The following B3GAT2 variants were observed in gnomAD, a reference collection of about 807,000 sequenced individuals.
B3GAT2 encodes the protein galactosylgalactosylxylosylprotein 3-beta-glucuronosyltransferase 2.
B3GAT2 carries 26 observed loss-of-function variants against 27.8 expected under a neutral mutation model. The observed-to-expected ratio is 0.93, with a 90% CI of 0.68 to 1.30. The LOEUF (loss-of-function observed/expected upper bound fraction) is 1.30. B3GAT2 is among the 50% of genes most tolerant of loss of function. B3GAT2 has a pLI of 0.00. For synonymous variants in B3GAT2, 218 were observed against 195.1 expected (o/e 1.12, Z -0.98); for missense variants, 458 against 459.0 (o/e 1.00, Z 0.02).
At chr6:70,864,582 C>T (rs921541533) in intron 2 of B3GAT2, among the ~76,000 whole-genome samples, 2 of 152,150 alleles carry the variant, frequency 1.3e-5, no homozygotes, top group South Asian at 2.1e-4. Flanking sequence ...AGATGCCCCA[C>T]AATCAGCTAA....
intron 2 of B3GAT2, among the ~76,000 whole-genome samples, chr6:70,884,717 G>A (rs751001250): frequency 4.6e-5 from 7 of 152,232 alleles, no homozygotes; most frequent in Non-Finnish European, 8.8e-5. Context: ...CTAGGCAAAC[G>A]TGAGAAGAAA....
At chr6:70,949,606 G>T (rs1458277271) in intron 1 of B3GAT2, among the ~76,000 whole-genome samples, 6 of 147,720 alleles carry the variant, frequency 4.1e-5, no homozygotes, top group Non-Finnish European at 9.0e-5. Context: ...ACTGTTGGTG[G>T]GACTGTAAAC....
intron 2 of B3GAT2, among the ~76,000 whole-genome samples, chr6:70,868,124 C>A (rs1045469540): frequency 5.9e-5 from 9 of 152,030 alleles, no homozygotes; most frequent in African/African-American, 2.2e-4. Context: ...GAAATAAAAG[C>A]CTCTCAGCAA....
chr6:70,936,524 G>A (rs980110631), intron 1 of B3GAT2, among the ~76,000 whole-genome samples: 9 of 152,004 alleles, frequency 5.9e-5, no homozygotes, highest in Non-Finnish European at 1.2e-4. Context: ...CTCAGCAAAT[G>A]TAAAAGAACA....
chr6:70,869,296 G>A (rs933460095), intron 2 of B3GAT2, among the ~76,000 whole-genome samples: 1 of 152,116 alleles, frequency 6.6e-6, no homozygotes, highest in Non-Finnish European at 1.5e-5. Flanking sequence ...ACTATAAGGT[G>A]CATGTCGCTC....
rs1355597122 is a variant in B3GAT2 at position 70,943,826 on chromosome 6, T to C, written c.591+12013A>G. 3.3e-5 allele frequency among the ~76,000 whole-genome samples: 5 copies of C among 152,068 alleles called. No homozygotes were observed. In the East Asian group the frequency reaches 9.6e-4, roughly 29 times the overall value. ...GTAGGGGTAGGAATTGGGGAAATGTTTGGTCAAAGGATACAAAATTTCAGT... is the reference window on the plus strand; with the variant it reads ...GTAGGGGTAGGAATTGGGGAAATGTCTGGTCAAAGGATACAAAATTTCAGT... On this transcript the variant is annotated intron_variant, in intron 1 of 3. Coordinates refer to ENST00000230053, the MANE Select transcript of B3GAT2 (RefSeq NM_080742.3).
chr6:70,856,996 T>C lies in B3GAT2; in HGVS notation c.*4667A>G, dbSNP rs757968358. 1 of 1,613,898 alleles carries C rather than the reference T, an allele frequency of 6.2e-7. No individual in the cohort carries two copies. Among genetic ancestry groups the C allele is most frequent in the Non-Finnish European group, 8.5e-7 (1 of 1,179,834 alleles). ...CCAAAGACTCCATCTTATCTCTGTA[T>C]GGCACAGGAACCATTCAACAGCAAA... On this transcript the variant is annotated 3_prime_UTR_variant, in exon 4 of 4. Transcript: ENST00000230053.
Position 70,894,255 on chromosome 6 carries a change from C to T in B3GAT2, c.609G>A (p.Lys203=), listed in dbSNP as rs1276557110. ...ELFQEMRTTR[K]VSVWPVGLVG... ...CCAGGCCCACAGGCCAGACGGAGAC[C>T]TTGCGGGTGGTTCGCATCTATAAAA... is the stretch of plus-strand genomic sequence containing the variant. The change falls in exon 2 of 4, where the codon AAG becomes AAA. Residue 203 remains lysine (K), a synonymous_variant. Coordinates refer to ENST00000230053, the MANE Select transcript of B3GAT2 (RefSeq NM_080742.3). The T allele has an allele frequency of 1.9e-6, 3 of 1,593,652 alleles. No individual in the cohort carries two copies. Among genetic ancestry groups the T allele is most frequent in the African/African-American group, 1.4e-5 (1 of 73,936 alleles).
At chr6:70,914,112 T>A (rs561585649) in intron 1 of B3GAT2, among the ~76,000 whole-genome samples, 81 of 152,292 alleles carry the variant, frequency 5.3e-4, no homozygotes, top group African/African-American at 1.9e-3. Context: ...GAAGACAGCA[T>A]ACAATTGTGA....
rs1182931769 is a variant in B3GAT2 at position 70,861,559 on chromosome 6, G to A, written c.*104C>T. ...AGATGACAAGAAAGGCTGCTGTACTGAAGTAAAACAAACAATACCTGAATG... is the reference window on the plus strand; with the variant it reads ...AGATGACAAGAAAGGCTGCTGTACTAAAGTAAAACAAACAATACCTGAATG... On this transcript the variant is annotated 3_prime_UTR_variant, in exon 4 of 4. Transcript: ENST00000230053. 9 of 1,023,704 alleles carry A rather than the reference G, an allele frequency of 8.8e-6. No individual in the cohort carries two copies. The highest frequency in any genetic ancestry group is 1.3e-5 in the Non-Finnish European group (9 of 679,128). The allele number at this position is 1,023,704 out of a possible 1,614,324, so 63.4% of individuals were successfully genotyped here. A position where few individuals can be genotyped will look rare whatever the true frequency, so the allele number is the denominator to read the frequency against.
chr6:70,951,458 G>T (rs1406450886), intron 1 of B3GAT2, among the ~76,000 whole-genome samples: 1 of 152,118 alleles, frequency 6.6e-6, no homozygotes, highest in East Asian at 1.9e-4. Context: ...AACATTCATT[G>T]CACCAAGCAA....
chr6:70,955,953 C>A lies in B3GAT2; in HGVS notation c.477G>T (p.Gln159His). The change falls in exon 1 of 4, where the codon CAG becomes CAT. Residue 159 changes from glutamine (Q) to histidine (H), a missense_variant. Gln to His is a conservative substitution (Grantham distance 24). Coordinates refer to ENST00000230053, the MANE Select transcript of B3GAT2 (RefSeq NM_080742.3). Reference protein sequence around the residue: ...KRPGLPRATEQRNAGLAWLRQ... With the variant: ...KRPGLPRATEHRNAGLAWLRQ... ...GCAGCCAGGCGAGGCCCGCGTTGCG[C>A]TGCTCAGTGGCGCGCGGCAGCCCGG... is the stretch of plus-strand genomic sequence containing the variant. The A allele has an allele frequency of 6.4e-7, 1 of 1,557,210 alleles. No individual in the cohort carries two copies. The highest frequency in any genetic ancestry group is 2.5e-5 in the East Asian group (1 of 40,240).
At chr6:70,935,287 A>AAAAAAT (rs546351116) in intron 1 of B3GAT2, among the ~76,000 whole-genome samples, 166 of 152,092 alleles carry the variant, frequency 1.1e-3, no homozygotes, top group African/African-American at 3.9e-3. Flanking sequence ...CTCTACCAAA[A>AAAAAAT]AAAAATAAAA....
intron 2 of B3GAT2, among the ~76,000 whole-genome samples, chr6:70,885,216 C>T (rs1034004283): frequency 1.4e-4 from 22 of 152,120 alleles, no homozygotes; most frequent in African/African-American, 5.3e-4. Context: ...TCTTTTAAAT[C>T]CTTCCCTATG....
At chr6:70,938,598 T>C (rs1765335817) in intron 1 of B3GAT2, among the ~76,000 whole-genome samples, 1 of 150,598 alleles carries the variant, frequency 6.6e-6, no homozygotes, top group African/African-American at 2.4e-5. Flanking sequence ...GAAATAACGC[T>C]GCATATCTAC....
chr6:70,912,595 T>C (rs528043788), intron 1 of B3GAT2, among the ~76,000 whole-genome samples: 1 of 152,196 alleles, frequency 6.6e-6, no homozygotes, highest in East Asian at 1.9e-4. Context: ...GTTTTCTTTT[T>C]ATGTTGTCTC....
intron 1 of B3GAT2, among the ~76,000 whole-genome samples, chr6:70,951,081 T>C (rs1251637836): frequency 6.6e-6 from 1 of 152,196 alleles, no homozygotes; most frequent in East Asian, 1.9e-4. Context: ...TTAAATTTCA[T>C]GCTTCACAAG....
intron 1 of B3GAT2, among the ~76,000 whole-genome samples, chr6:70,924,540 C>A (rs1772922333): frequency 6.6e-6 from 1 of 152,164 alleles, no homozygotes; most frequent in African/African-American, 2.4e-5. Flanking sequence ...CAATGTGGTA[C>A]TGGCATAAAG....
At chr6:70,907,912 T>C (rs1225559885) in intron 1 of B3GAT2, among the ~76,000 whole-genome samples, 1 of 152,204 alleles carries the variant, frequency 6.6e-6, no homozygotes, top group African/African-American at 2.4e-5. Flanking sequence ...TGAGATAATA[T>C]ATGTGCTTAG....
Sources: gnomAD v4.1 joint callset for allele counts (sites outside exome capture counted in the v4.1 genomes callset) on GRCh38, gnomAD v4.1.1 for gene constraint, MANE v1.5 for transcripts, NCBI Gene and HGNC (gene_info 2026-07-23, HGNC 2026-07-21) for gene names.